Variants in SLC25A40 observed in about 807,000 individuals in gnomAD.
The protein encoded by SLC25A40 is solute carrier family 25 member 40.
Under a neutral mutation model 46.5 loss-of-function variants are expected in SLC25A40, and 41 were observed. The observed-to-expected ratio is 0.88, with a 90% CI of 0.69 to 1.14. The LOEUF (loss-of-function observed/expected upper bound fraction) is 1.14. Among genes scored for constraint, SLC25A40 ranks in the 50% most tolerant of loss-of-function variants. The probability of loss-of-function intolerance (pLI) is 0.00; values close to 1 mark genes in which losing one functional copy is unlikely to be tolerated. For synonymous variants in SLC25A40, 126 were observed against 127.5 expected (o/e 0.99, Z 0.08); for missense variants, 386 against 393.6 (o/e 0.98, Z 0.16).
intron 10 of SLC25A40, among the ~76,000 whole-genome samples, chr7:87,837,570 T>A (rs1163135852): frequency 9.3e-5 from 14 of 151,294 alleles, no homozygotes; most frequent in Non-Finnish European, 1.3e-4. Flanking sequence ...CCTAATTTTT[T>A]AAAAACTCAG....
In SLC25A40 at chr7:87,847,963, G is replaced by A; in HGVS notation, c.347C>T (p.Pro116Leu). ...GLPPTLVMAVPATVIYFTCYD... is the reference protein window; with the variant it reads ...GLPPTLVMAVLATVIYFTCYD... ...GCAGGTAAAATAAATAACTGTGGCA[G>A]GAACTGCCATCACTCTGTTAGATCA... Residue 116 changes from proline (P) to leucine (L), a missense_variant, in exon 7 of 12, where the codon CCT becomes CTT. Physicochemically the swap from Pro to Leu is moderately conservative, Grantham distance 98 (BLOSUM62 -3). Transcript: ENST00000341119. 1 of 1,606,490 alleles carries A rather than the reference G, an allele frequency of 6.2e-7. No homozygotes were observed. Among genetic ancestry groups the A allele is most frequent in the Non-Finnish European group, 8.5e-7 (1 of 1,177,464 alleles).
chr7:87,847,817 C>T, intron 7 of SLC25A40, 36 bp downstream of exon 7: 1 of 1,582,150 alleles, frequency 6.3e-7, no homozygotes, highest in Non-Finnish European at 8.6e-7. Context: ...AAGCTCTAAA[C>T]AGAAATCAAA....
In SLC25A40 at chr7:87,834,098, G is replaced by A. The variant is rs2130991442; in HGVS notation, c.*2151C>T. The A allele has an allele frequency of 6.6e-6, 1 of 151,832 alleles. No homozygotes were observed. Among genetic ancestry groups the A allele is most frequent in the Non-Finnish European group, 1.5e-5 (1 of 67,822 alleles). The allele number at this position is 151,832 out of a possible 1,614,324, so 9.4% of individuals were successfully genotyped here. Reference sequence around the variant, plus strand: ...AAAACTGTTTTAGAAACATCACCAAGAACACTGTTGTGGCACATGTTTGCA... The same window carrying A: ...AAAACTGTTTTAGAAACATCACCAAAAACACTGTTGTGGCACATGTTTGCA... On this transcript the variant is annotated 3_prime_UTR_variant, in exon 12 of 12. Transcript: ENST00000341119.
Position 87,851,159 on chromosome 7 carries a change from C to T in SLC25A40, c.265-1211G>A, listed in dbSNP as rs114787584. On this transcript the variant is annotated intron_variant, in intron 5 of 11. Transcript: ENST00000341119. ...ATGAATGTCCATAGAATTAATTATTCCAAAAAGTAGAAACAACCCAAATGT... is the reference window on the plus strand; with the variant it reads ...ATGAATGTCCATAGAATTAATTATTTCAAAAAGTAGAAACAACCCAAATGT... 4.9e-3 allele frequency among the ~76,000 whole-genome samples: 746 copies of T among 151,986 alleles called. 7 individuals are homozygous for T. Among genetic ancestry groups the T allele is most frequent in the African/African-American group, 0.017 (714 of 41,482 alleles).
intron 1 of SLC25A40, among the ~76,000 whole-genome samples, chr7:87,873,121 A>C (rs191181475): frequency 6.6e-6 from 1 of 152,348 alleles, no homozygotes; most frequent in Non-Finnish European, 1.5e-5. Flanking sequence ...TGGCAAATGA[A>C]TCAAACAGGA....
At chr7:87,838,127 A>C (rs1838282716) in intron 10 of SLC25A40, among the ~76,000 whole-genome samples, 2 of 151,556 alleles carry the variant, frequency 1.3e-5, no homozygotes, top group South Asian at 4.1e-4. Context: ...GCAATAGCAT[A>C]AGCATAAACA....
chr7:87,869,123 A>G (rs1230183614), intron 1 of SLC25A40, among the ~76,000 whole-genome samples: 1 of 151,968 alleles, frequency 6.6e-6, no homozygotes, highest in Admixed American at 6.6e-5. Context: ...ATCCTATTTG[A>G]GTTCTGGGAT....
At chr7:87,874,424 A>G (rs1489315908) in intron 1 of SLC25A40, among the ~76,000 whole-genome samples, 2 of 152,184 alleles carry the variant, frequency 1.3e-5, no homozygotes, top group Non-Finnish European at 2.9e-5. Context: ...CTTTCCTACA[A>G]TAACAAATTT....
chr7:87,857,413 C>T (rs929964718), intron 3 of SLC25A40, among the ~76,000 whole-genome samples: 3 of 152,176 alleles, frequency 2.0e-5, no homozygotes, highest in Middle Eastern at 3.4e-3. Flanking sequence ...GTGTATTCAC[C>T]GTGAGAATGG....
intron 1 of SLC25A40, among the ~76,000 whole-genome samples, chr7:87,871,246 T>C (rs2131025392): frequency 6.6e-6 from 1 of 152,334 alleles, no homozygotes; most frequent in South Asian, 2.1e-4. Flanking sequence ...GCTGCCATGC[T>C]GTGAACTGCC....
At chr7:87,844,089 G>T in intron 8 of SLC25A40, 2 of 659,602 alleles carry the variant, frequency 3.0e-6, no homozygotes, top group Non-Finnish European at 3.8e-6. Context: ...AATAAAGTAG[G>T]ACTATAATTC....
rs1400707043 is a variant in SLC25A40 at position 87,858,724 on chromosome 7, C to A, written c.4G>T (p.Asp2Tyr). Residue 2 changes from aspartate to tyrosine, a missense_variant, in exon 3 of 12, where the codon GAT becomes TAT. Asp to Tyr is a radical substitution (Grantham distance 160). Coordinates refer to ENST00000341119, the MANE Select transcript of SLC25A40 (RefSeq NM_018843.4). ...ATCTCTTGTCCCCTTGTCTCAGGAT[C>A]CATATTTTTAACTAATTAAATAAAA... M[D>Y]PETRGQEIIK... 6.2e-7 allele frequency: 1 copy of A among 1,606,984 alleles called. No homozygotes were observed. Among genetic ancestry groups the A allele is most frequent in the South Asian group, 1.1e-5 (1 of 90,834 alleles).
chr7:87,856,305 G>T lies in SLC25A40; in HGVS notation c.144C>A (p.Asn48Lys). ...VVKIRLQAQN[N>K]PLPKGKCFVY... ...TAGTACACATACCTTTGGGGAGTGGGTTGTTTTGGGCTTGGAGTCTAATTT... is the reference window on the plus strand; with the variant it reads ...TAGTACACATACCTTTGGGGAGTGGTTTGTTTTGGGCTTGGAGTCTAATTT... Residue 48 changes from asparagine to lysine, a missense_variant, in exon 4 of 12, where the codon AAC becomes AAA. Coordinates refer to ENST00000341119, the MANE Select transcript of SLC25A40 (RefSeq NM_018843.4). 1 of 1,612,804 alleles carries T rather than the reference G, an allele frequency of 6.2e-7. No homozygotes were observed. The highest frequency in any genetic ancestry group is 8.5e-7 in the Non-Finnish European group (1 of 1,179,132).
rs538598803 is a variant in SLC25A40 at position 87,833,875 on chromosome 7, T to C, written c.*2374A>G. On this transcript the variant is annotated 3_prime_UTR_variant, in exon 12 of 12. Coordinates refer to ENST00000341119, the MANE Select transcript of SLC25A40 (RefSeq NM_018843.4). ...TACATGTTGTTCCAAGAGGGAAAAATTTAAAAAACATATGCAGTTAAATAA... is the reference window on the plus strand; with the variant it reads ...TACATGTTGTTCCAAGAGGGAAAAACTTAAAAAACATATGCAGTTAAATAA... The C allele has an allele frequency of 2.0e-5, 3 of 151,776 alleles. No homozygotes were observed. The highest frequency in any genetic ancestry group is 7.2e-5 in the African/African-American group (3 of 41,460). 9.4% of individuals were successfully genotyped at this position (151,776 alleles called of 1,614,324 possible).
intron 5 of SLC25A40, among the ~76,000 whole-genome samples, chr7:87,850,232 A>G (rs576581619): frequency 6.6e-6 from 1 of 152,308 alleles, no homozygotes; most frequent in Admixed American, 6.5e-5. Flanking sequence ...AGATTATTAT[A>G]AGAAAGGAAG....
intron 4 of SLC25A40, 45 bp downstream of exon 4, chr7:87,856,247 T>A: frequency 7.0e-7 from 1 of 1,437,760 alleles, no homozygotes; most frequent in Non-Finnish European, 9.5e-7. Context: ...CACAGGAACA[T>A]TTAAAAATCA....
chr7:87,849,854 T>C (rs183297390), intron 6 of SLC25A40, 27 bp downstream of exon 6: 1 of 1,468,200 alleles, frequency 6.8e-7, no homozygotes, highest in East Asian at 2.3e-5. Context: ...CATTATTTAG[T>C]AGAAAAAACA....
In SLC25A40 at chr7:87,876,115, C is replaced by G. The variant is rs9655955; in HGVS notation, c.-113G>C. Reference sequence around the variant, plus strand: ...GCATACCTGGGGCAGAAGGCAGCTGCAGGGCCGGCAGTCCTGGCAAACCTA... The same window carrying G: ...GCATACCTGGGGCAGAAGGCAGCTGGAGGGCCGGCAGTCCTGGCAAACCTA... On this transcript the variant is annotated 5_prime_UTR_variant, in exon 1 of 12. Coordinates refer to ENST00000341119, the MANE Select transcript of SLC25A40 (RefSeq NM_018843.4). 15,207 of 152,944 alleles carry G rather than the reference C, an allele frequency of 0.099. 930 individuals carry two copies. The highest frequency in any genetic ancestry group is 0.17 in the African/African-American group (7,125 of 41,560). The allele number at this position is 152,944 out of a possible 1,614,324, so 9.5% of individuals were successfully genotyped here. A position where few individuals can be genotyped will look rare whatever the true frequency, so the allele number is the denominator to read the frequency against.
At chr7:87,846,350 T>C (rs1838420405) in intron 8 of SLC25A40, among the ~76,000 whole-genome samples, 1 of 152,186 alleles carries the variant, frequency 6.6e-6, no homozygotes, top group African/African-American at 2.4e-5. Context: ...AGTATTTCTT[T>C]TGGGTCTTAA....
Sources: gnomAD v4.1 joint callset for allele counts (sites outside exome capture counted in the v4.1 genomes callset) on GRCh38, gnomAD v4.1.1 for gene constraint, MANE v1.5 for transcripts, NCBI Gene and HGNC (gene_info 2026-07-23, HGNC 2026-07-21) for gene names.